Variants in PDZRN4 observed in about 807,000 individuals in gnomAD.
PDZRN4 encodes PDZ domain containing ring finger 4.
Under a neutral mutation model 99.0 loss-of-function variants are expected in PDZRN4, and 70 were observed. The observed-to-expected ratio is 0.71, with a 90% CI of 0.58 to 0.86. The LOEUF is 0.86. Ranked by LOEUF, PDZRN4 falls within the 40% of genes least tolerant of loss-of-function variation. PDZRN4 has a pLI of 0.00. For synonymous variants in PDZRN4, 551 were observed against 501.6 expected (o/e 1.10, Z -1.32); for missense variants, 1,474 against 1,331.2 (o/e 1.11, Z -1.67).
chr12:41,388,252 T>C (rs1354351735), intron 3 of PDZRN4, among the ~76,000 whole-genome samples: 2 of 151,990 alleles, frequency 1.3e-5, no homozygotes, highest in African/African-American at 2.4e-5. Flanking sequence ...TATTAGAGCA[T>C]GGAGGGTGGT....
At chr12:41,556,582 T>A (rs891971299) in intron 7 of PDZRN4, among the ~76,000 whole-genome samples, 8 of 152,200 alleles carry the variant, frequency 5.3e-5, no homozygotes, top group African/African-American at 1.7e-4. Flanking sequence ...TACAGTCCAT[T>A]GTTGACTGAA....
chr12:41,544,930 C>T (rs1342628204), intron 5 of PDZRN4, among the ~76,000 whole-genome samples: 2 of 152,174 alleles, frequency 1.3e-5, no homozygotes, highest in Non-Finnish European at 2.9e-5. Context: ...CCCAAGTTCT[C>T]TCTGTGGCTT....
chr12:41,281,166 TCAA>T (rs1210535202), intron 3 of PDZRN4, among the ~76,000 whole-genome samples: 2 of 150,068 alleles, frequency 1.3e-5, no homozygotes, highest in Non-Finnish European at 3.0e-5. Context: ...AGCAGTATCA[TCAA>T]CATCAACAAA....
At position 41,573,778 on chromosome 12, in the gene PDZRN4, A is replaced by G. The variant is rs1435898364; in HGVS notation, c.2999A>G (p.Asn1000Ser). Residue 1000 changes from asparagine to serine, a missense_variant, in exon 10 of 10, where the codon AAC (asparagine) becomes AGC (serine). Physicochemically the swap from Asn to Ser is conservative, Grantham distance 46 (BLOSUM62 1). Transcript: ENST00000402685. ...CACAAAAAGATGATGAAAAAGAGAA[A>G]CAAGAAAATTTTGGACAACTGGATG... ...LSHKKMMKKR[N>S]KKILDNWMTI... 1 of 1,613,806 alleles carries G rather than the reference A, an allele frequency of 6.2e-7. No homozygotes were observed. Among genetic ancestry groups the G allele is most frequent in the Admixed American group, 1.7e-5 (1 of 59,930 alleles).
chr12:41,467,360 C>A (rs1353599430), intron 3 of PDZRN4, among the ~76,000 whole-genome samples: 1 of 152,168 alleles, frequency 6.6e-6, no homozygotes, highest in Admixed American at 6.5e-5. Context: ...CACAATCCAT[C>A]GTCATTGAAA....
At chr12:41,377,508 CA>C (rs1196401447) in intron 3 of PDZRN4, among the ~76,000 whole-genome samples, 3 of 151,944 alleles carry the variant, frequency 2.0e-5, no homozygotes, top group Admixed American at 6.6e-5. Context: ...ATTAAAAATA[CA>C]AAAAAATTAG....
intron 3 of PDZRN4, among the ~76,000 whole-genome samples, chr12:41,447,306 G>A (rs1415970138): frequency 6.6e-6 from 1 of 152,094 alleles, no homozygotes; most frequent in Non-Finnish European, 1.5e-5. Context: ...GGAGTTATGA[G>A]CCTCAGTGTT....
intron 3 of PDZRN4, among the ~76,000 whole-genome samples, chr12:41,228,729 AG>A (rs1217609009): frequency 1.3e-5 from 2 of 152,154 alleles, no homozygotes; most frequent in Non-Finnish European, 2.9e-5. Context: ...AACAAAGTTC[AG>A]ATTGACAGCT....
intron 3 of PDZRN4, among the ~76,000 whole-genome samples, chr12:41,198,819 C>T (rs917373948): frequency 3.9e-5 from 6 of 152,046 alleles, no homozygotes; most frequent in African/African-American, 1.4e-4. Context: ...GTAGCACTTT[C>T]CATTAAGTGC....
intron 5 of PDZRN4, among the ~76,000 whole-genome samples, chr12:41,534,344 G>A (rs1938713722): frequency 6.6e-6 from 1 of 151,754 alleles, no homozygotes; most frequent in Non-Finnish European, 1.5e-5. Context: ...CTGTTACATA[G>A]GTAAAGATGT....
intron 5 of PDZRN4, among the ~76,000 whole-genome samples, chr12:41,548,587 A>G (rs1229794533): frequency 6.6e-6 from 1 of 152,212 alleles, no homozygotes; most frequent in Non-Finnish European, 1.5e-5. Flanking sequence ...AATAGTGCTG[A>G]CTGCATTTGA....
intron 3 of PDZRN4, among the ~76,000 whole-genome samples, chr12:41,359,879 A>G (rs1951952755): frequency 6.6e-6 from 1 of 152,004 alleles, no homozygotes; most frequent in Non-Finnish European, 1.5e-5. Flanking sequence ...GGTTTCTCCT[A>G]GAAGTTTTGT....
rs1429948936 is a variant in PDZRN4, at chr12:41,573,618, AAGC to A, written c.2844_2846del (p.Gln948del). 2 of 1,613,956 alleles carry A rather than the reference AAGC, an allele frequency of 1.2e-6. No individual in the cohort carries two copies. Among genetic ancestry groups the A allele is most frequent in the Non-Finnish European group, 1.7e-6 (2 of 1,180,000 alleles). On this transcript the variant is annotated inframe_deletion, in exon 10 of 10. Coordinates refer to ENST00000402685, the MANE Select transcript of PDZRN4 (RefSeq NM_001164595.2). ...GCGCTACTGGAGCAAAGAGGAGAGA[AAGC>A]AGCACCTGGTTAGGGCCAAAGAGCA...
chr12:41,414,244 T>C (rs1952424283), intron 3 of PDZRN4, among the ~76,000 whole-genome samples: 1 of 152,152 alleles, frequency 6.6e-6, no homozygotes, highest in Non-Finnish European at 1.5e-5. Flanking sequence ...CTTTAAGATT[T>C]TTTTCTTTAG....
At chr12:41,496,699 A>T (rs1363667124) in intron 3 of PDZRN4, among the ~76,000 whole-genome samples, 2 of 152,174 alleles carry the variant, frequency 1.3e-5, no homozygotes, top group Non-Finnish European at 2.9e-5. Context: ...AATGTAATGC[A>T]GTCTGCATTG....
chr12:41,517,168 C>T (rs777997353), intron 5 of PDZRN4, among the ~76,000 whole-genome samples: 1 of 151,984 alleles, frequency 6.6e-6, no homozygotes, highest in Non-Finnish European at 1.5e-5. Context: ...AACACTAAAC[C>T]TTATTTCCTA....
chr12:41,569,635 C>T (rs1939440167), intron 9 of PDZRN4, among the ~76,000 whole-genome samples: 1 of 152,206 alleles, frequency 6.6e-6, no homozygotes. Context: ...GCAGCACAAA[C>T]ATTCTATCAC....
intron 3 of PDZRN4, among the ~76,000 whole-genome samples, chr12:41,268,554 A>G (rs1951294467): frequency 6.6e-6 from 1 of 152,182 alleles, no homozygotes; most frequent in Non-Finnish European, 1.5e-5. Context: ...TTGGTTTTTA[A>G]TTATTTCCAG....
At chr12:41,569,495 T>C (rs1290506611) in intron 9 of PDZRN4, among the ~76,000 whole-genome samples, 1 of 152,138 alleles carries the variant, frequency 6.6e-6, no homozygotes, top group Non-Finnish European at 1.5e-5. Context: ...CCTCAAGTGC[T>C]CCACCAGCCT....
Sources: allele counts gnomAD v4.1 joint callset (sites outside exome capture counted in the v4.1 genomes callset), GRCh38; gene constraint gnomAD v4.1.1; transcripts MANE v1.5; gene names NCBI Gene and HGNC (gene_info 2026-07-23, HGNC 2026-07-21).